The following MAP3K9 variants were observed in gnomAD, a reference collection of about 807,000 sequenced individuals.
MAP3K9 encodes the protein mitogen-activated protein kinase kinase kinase 9, also known as mixed lineage kinase 1 (tyr and ser/thr specificity).
Under a neutral mutation model 95.8 loss-of-function variants are expected in MAP3K9, and 46 were observed. The observed-to-expected ratio is 0.48, with a 90% confidence interval of 0.38 to 0.61. MAP3K9 has a LOEUF of 0.61. Ranked by LOEUF, MAP3K9 falls within the 20% of genes least tolerant of loss-of-function variation. The pLI, the probability that MAP3K9 is intolerant of heterozygous loss-of-function variation, is 0.00. For synonymous variants in MAP3K9, 533 were observed against 593.8 expected (o/e 0.90, Z 1.49); for missense variants, 1,296 against 1,474.3 (o/e 0.88, Z 1.98).
chr14:70,809,101 C>CCAT lies in MAP3K9; in HGVS notation c.68_70dup (p.Asp23dup). On this transcript the variant is annotated inframe_insertion, in exon 1 of 12. Coordinates refer to ENST00000554752, the MANE Select transcript of MAP3K9 (RefSeq NM_001284230.2). ...CTCCTCCTCGGCCCCGGCCCCTGCT[C>CCAT]CATCCTCCCCCGGCGGGGCGGCAGC... The CCAT allele has an allele frequency of 7.2e-7, 1 of 1,391,350 alleles. No individual in the cohort carries two copies. The highest frequency in any genetic ancestry group is 9.2e-7 in the Non-Finnish European group (1 of 1,082,188). The allele number at this position is 1,391,350 out of a possible 1,614,324, so 86.2% of individuals were successfully genotyped here.
At chr14:70,758,144 A>G (rs1037591061) in intron 3 of MAP3K9, among the ~76,000 whole-genome samples, 46 of 152,330 alleles carry the variant, frequency 3.0e-4, no homozygotes, top group African/African-American at 1.0e-3. Context: ...TGCTAATCAT[A>G]TATCTGATGA....
chr14:70,793,508 G>A (rs890375924), intron 2 of MAP3K9, among the ~76,000 whole-genome samples: 1 of 152,042 alleles, frequency 6.6e-6, no homozygotes, highest in Admixed American at 6.6e-5. Context: ...GCAACACGGC[G>A]AGACCCTGTC....
intron 4 of MAP3K9, 94 bp downstream of exon 4, chr14:70,749,839 T>C: frequency 6.9e-7 from 1 of 1,459,280 alleles, no homozygotes; most frequent in Non-Finnish European, 9.5e-7. Context: ...TATCTCCTCT[T>C]TCAGTAACTG....
At chr14:70,759,772 T>G (rs928262735) in intron 3 of MAP3K9, among the ~76,000 whole-genome samples, 15 of 152,234 alleles carry the variant, frequency 9.9e-5, no homozygotes, top group Non-Finnish European at 1.5e-4. Context: ...ATTTACTTCT[T>G]GAGACAGGGT....
At chr14:70,782,577 A>G (rs1037101580) in intron 2 of MAP3K9, among the ~76,000 whole-genome samples, 1 of 152,212 alleles carries the variant, frequency 6.6e-6, no homozygotes, top group South Asian at 2.1e-4. Flanking sequence ...CTGGAAAGCT[A>G]TGAAACACCA....
chr14:70,731,129 C>A (rs1434574386), intron 11 of MAP3K9, among the ~76,000 whole-genome samples: 2 of 151,724 alleles, frequency 1.3e-5, no homozygotes, highest in Non-Finnish European at 2.9e-5. Context: ...AAATGACACA[C>A]AAGCTGGCCA....
At chr14:70,731,997 T>C (rs1427692593) in intron 11 of MAP3K9, among the ~76,000 whole-genome samples, 1 of 152,148 alleles carries the variant, frequency 6.6e-6, no homozygotes, top group Admixed American at 6.5e-5. Context: ...TTGCCTGGAC[T>C]CATCTCCACG....
At chr14:70,783,673 A>G (rs915065751) in intron 2 of MAP3K9, among the ~76,000 whole-genome samples, 1 of 152,372 alleles carries the variant, frequency 6.6e-6, no homozygotes, top group South Asian at 2.1e-4. Flanking sequence ...TATTCATCTA[A>G]AAGTGTTAAG....
chr14:70,772,002 C>T (rs1344678689), intron 2 of MAP3K9, among the ~76,000 whole-genome samples: 2 of 152,210 alleles, frequency 1.3e-5, no homozygotes, highest in African/African-American at 4.8e-5. Flanking sequence ...TCTCCTGGCC[C>T]GTGGGGCTCT....
chr14:70,808,296 C>T (rs1010527904), intron 1 of MAP3K9, among the ~76,000 whole-genome samples: 4 of 152,214 alleles, frequency 2.6e-5, no homozygotes, highest in Non-Finnish European at 2.9e-5. Context: ...GGAGACACCC[C>T]CATCTCTTTG....
At chr14:70,735,195 C>G (rs541994453) in intron 9 of MAP3K9, among the ~76,000 whole-genome samples, 1 of 152,070 alleles carries the variant, frequency 6.6e-6, no homozygotes, top group Non-Finnish European at 1.5e-5. Context: ...TATGGAAAGC[C>G]GGTAACTCTC....
intron 2 of MAP3K9, among the ~76,000 whole-genome samples, chr14:70,778,932 G>A (rs905460466): frequency 3.3e-5 from 5 of 152,178 alleles, no homozygotes; most frequent in African/African-American, 4.8e-5. Context: ...AAACTAGAAT[G>A]TACAGAGGAA....
chr14:70,798,694 G>T (rs1371949126), intron 2 of MAP3K9, among the ~76,000 whole-genome samples: 2 of 151,622 alleles, frequency 1.3e-5, no homozygotes, highest in African/African-American at 4.8e-5. Flanking sequence ...TAGCCGGGAT[G>T]GTCTCGATCT....
chr14:70,755,968 T>C (rs1566743928), intron 3 of MAP3K9, among the ~76,000 whole-genome samples: 2 of 152,202 alleles, frequency 1.3e-5, no homozygotes, highest in Non-Finnish European at 2.9e-5. Flanking sequence ...TGATTTCCTC[T>C]AGAGAGTAGA....
chr14:70,799,248 T>C (rs972654620), intron 2 of MAP3K9, among the ~76,000 whole-genome samples: 1 of 152,042 alleles, frequency 6.6e-6, no homozygotes, highest in Non-Finnish European at 1.5e-5. Context: ...AGCAATCCTC[T>C]TCGCCCTCAA....
chr14:70,802,223 T>C (rs1002893729), intron 1 of MAP3K9, among the ~76,000 whole-genome samples: 1 of 152,066 alleles, frequency 6.6e-6, no homozygotes, highest in Non-Finnish European at 1.5e-5. Context: ...CGCAGTCAAT[T>C]TGGGAGACTT....
chr14:70,804,846 G>A (rs2139867898), intron 1 of MAP3K9, among the ~76,000 whole-genome samples: 1 of 152,234 alleles, frequency 6.6e-6, no homozygotes, highest in African/African-American at 2.4e-5. Context: ...CAAATATTAT[G>A]ACCTGACTCC....
chr14:70,743,990 T>C (rs1260939492), intron 5 of MAP3K9, among the ~76,000 whole-genome samples: 1 of 152,058 alleles, frequency 6.6e-6, no homozygotes, highest in Non-Finnish European at 1.5e-5. Flanking sequence ...ATAAAGAAAA[T>C]GTGGCACATA....
intron 2 of MAP3K9, among the ~76,000 whole-genome samples, chr14:70,797,818 T>C (rs2054881821): frequency 6.6e-6 from 1 of 152,210 alleles, no homozygotes; most frequent in Admixed American, 6.5e-5. Flanking sequence ...TCGAGGCTCA[T>C]ATTAGACGTA....
Sources: gnomAD v4.1 joint callset for allele counts (sites outside exome capture counted in the v4.1 genomes callset) on GRCh38, gnomAD v4.1.1 for gene constraint, MANE v1.5 for transcripts, NCBI Gene and HGNC (gene_info 2026-07-23, HGNC 2026-07-21) for gene names.